The following RUFY1 variants were observed in gnomAD, a reference collection of about 807,000 sequenced individuals.
The protein encoded by RUFY1 is RUN and FYVE domain containing 1, also known as RUN and FYVE domain-containing protein 1.
Under a neutral mutation model 94.6 loss-of-function variants are expected in RUFY1, and 54 were observed. The ratio of observed to expected loss-of-function variants is 0.57; its 90% CI spans 0.46 to 0.72. The LOEUF is 0.72. Ranked by LOEUF, RUFY1 falls within the 30% of genes least tolerant of loss-of-function variation. The pLI, the probability that RUFY1 is intolerant of heterozygous loss-of-function variation, is 0.00. For synonymous variants in RUFY1, 396 were observed against 347.3 expected, an observed-to-expected ratio of 1.14 and a Z score of -1.56; for missense variants, 883 against 883.9, an observed-to-expected ratio of 1.00 and a Z score of 0.01.
At position 179,591,717 on chromosome 5, in the gene RUFY1, A is replaced by T. The variant is rs1286025622; in HGVS notation, c.1221A>T (p.Leu407=). 1 of 1,608,918 alleles carries T rather than the reference A, an allele frequency of 6.2e-7. No individual in the cohort carries two copies. The change falls in exon 10 of 18, where the codon CTA becomes CTT. Residue 407 remains leucine, a synonymous_variant. Transcript: ENST00000319449. ...DEMYSDVWKQ[L]KEEKKVRLEL... is the part of the protein sequence containing the mutation. The stretch of plus-strand genomic sequence containing the variant: ...TGTACAGTGATGTGTGGAAGCAGCT[A>T]AAAGAGGAGAAGAAAGTCCGGTTGG...
Position 179,609,644 on chromosome 5 carries a change from G to T in RUFY1, c.*125G>T. ...GAATCAAATTTCTTGCCCGGTCACT[G>T]GCACTCCAGAAGACAGCGTGCCGGA... On this transcript the variant is annotated 3_prime_UTR_variant, in exon 18 of 18. Coordinates refer to ENST00000319449, the MANE Select transcript of RUFY1 (RefSeq NM_025158.5). The T allele has an allele frequency of 3.0e-6, 3 of 1,004,914 alleles. No homozygotes were observed. Among genetic ancestry groups the T allele is most frequent in the Non-Finnish European group, 4.2e-6 (3 of 714,276 alleles). 62.2% of individuals were successfully genotyped at this position (1,004,914 alleles called of 1,614,324 possible).
At chr5:179,605,674 C>G (rs1767000715) in intron 15 of RUFY1, among the ~76,000 whole-genome samples, 2 of 152,040 alleles carry the variant, frequency 1.3e-5, no homozygotes, top group African/African-American at 4.8e-5. Context: ...CAGGCTCAGC[C>G]TCAGCCCTCA....
Position 179,577,131 on chromosome 5 carries a change from C to T in RUFY1, c.885C>T (p.Gly295=). The T allele has an allele frequency of 8.5e-7, 1 of 1,172,418 alleles. No homozygotes were observed. The highest frequency in any genetic ancestry group is 1.2e-6 in the Non-Finnish European group (1 of 806,696). The allele number at this position is 1,172,418 out of a possible 1,614,324, so 72.6% of individuals were successfully genotyped here. Residue 295 remains glycine, a synonymous_variant, in exon 6 of 18, where the codon GGC becomes GGT. Coordinates refer to ENST00000319449, the MANE Select transcript of RUFY1 (RefSeq NM_025158.5). ...YLKDVQDLDG[G]KEHERITDVL... ...AGGATGTGCAGGATCTTGATGGTGG[C>T]AAGGAGTAAGTACTGCGTTGTATGT... is the stretch of plus-strand genomic sequence containing the variant.
intron 8 of RUFY1, among the ~76,000 whole-genome samples, chr5:179,587,559 ATTTTTTTT>A (rs34633958): frequency 1.9e-5 from 2 of 108,094 alleles, no homozygotes; most frequent in Non-Finnish European, 3.6e-5. Flanking sequence ...GCCCGGCTAA[ATTTTTTTT>A]TTTTTTTTTT....
chr5:179,557,765 CA>C (rs34584833), intron 1 of RUFY1, among the ~76,000 whole-genome samples: 1,585 of 152,120 alleles, frequency 0.01, 25 homozygotes, highest in African/African-American at 0.033. Context: ...AAATTTAGGA[CA>C]CCCAAGCAGA....
chr5:179,563,968 G>A lies in RUFY1; in HGVS notation c.602+1304G>A, dbSNP rs1046607786. The stretch of plus-strand genomic sequence containing the variant: ...ATTACAGGCGTGAGCCACCACACCC[G>A]GCCTTAATGACCTTTTTCATGAGCC... On this transcript the variant is annotated intron_variant, in intron 3 of 17. Coordinates refer to ENST00000319449, the MANE Select transcript of RUFY1 (RefSeq NM_025158.5). 6.6e-5 allele frequency among the ~76,000 whole-genome samples: 10 copies of A among 152,016 alleles called. No homozygotes were observed. In the East Asian group the frequency reaches 1.2e-3, roughly 18 times the overall value.
chr5:179,577,333 A>G (rs985083215), intron 6 of RUFY1, among the ~76,000 whole-genome samples, 197 bp downstream of exon 6: 1 of 151,006 alleles, frequency 6.6e-6, no homozygotes, highest in Non-Finnish European at 1.5e-5. Flanking sequence ...CACCATGCCC[A>G]GCTAATTTTT....
chr5:179,608,541 A>T, intron 17 of RUFY1: 2 of 985,508 alleles, frequency 2.0e-6, no homozygotes, highest in South Asian at 9.4e-5. Context: ...CTTGGAATGC[A>T]GCAAAGAGAA....
At chr5:179,558,692 T>A (rs1762232620) in intron 1 of RUFY1, among the ~76,000 whole-genome samples, 1 of 152,148 alleles carries the variant, frequency 6.6e-6, no homozygotes, top group South Asian at 2.1e-4. Context: ...GCTCTCCCCC[T>A]ACCTTCTTGG....
intron 5 of RUFY1, among the ~76,000 whole-genome samples, chr5:179,570,197 C>A (rs559504938): frequency 6.1e-4 from 93 of 152,244 alleles, no homozygotes; most frequent in African/African-American, 2.0e-3. Flanking sequence ...TAGCTTTTAT[C>A]CCCTTTTATC....
intron 6 of RUFY1, 23 bp downstream of exon 6, chr5:179,577,159 C>CCTT (rs1763678255): frequency 5.9e-6 from 1 of 169,278 alleles, no homozygotes; most frequent in Non-Finnish European, 1.0e-5. Context: ...TTGTATGTCA[C>CCTT]TTTTTTTTTT....
chr5:179,595,047 A>G, intron 12 of RUFY1, 84 bp downstream of exon 12: 1 of 1,026,538 alleles, frequency 9.7e-7, no homozygotes, highest in Non-Finnish European at 1.5e-6. Context: ...TCCCTCTCCA[A>G]AGTGCAGGGG....
rs765631281 is a variant in RUFY1 at position 179,609,426 on chromosome 5, C to T, written c.2034C>T (p.Asn678=). 6.8e-6 allele frequency: 11 copies of T among 1,613,204 alleles called. No individual in the cohort carries two copies. The highest frequency in any genetic ancestry group is 6.7e-5 in the African/African-American group (5 of 74,892). Residue 678 remains asparagine (N), a synonymous_variant, in exon 18 of 18, where the codon AAC becomes AAT. Transcript: ENST00000319449. ...TCTTCTGCAACACCTGCTCCAGCAA[C>T]GAGCTGGCCCTGCCCTCCTACCCCA... ...GHIFCNTCSS[N]ELALPSYPKP...
chr5:179,557,130 A>T (rs540731838), intron 1 of RUFY1, among the ~76,000 whole-genome samples: 1 of 152,302 alleles, frequency 6.6e-6, no homozygotes, highest in Admixed American at 6.5e-5. Context: ...AAGTTTTACC[A>T]AGACTTATCA....
chr5:179,609,525 C>A lies in RUFY1; in HGVS notation c.*6C>A, dbSNP rs768462209. On this transcript the variant is annotated 3_prime_UTR_variant, in exon 18 of 18. Coordinates refer to ENST00000319449, the MANE Select transcript of RUFY1 (RefSeq NM_025158.5). ...GCTCCTCCACGGCCTCCTGAACGTCCGTCCTCAGGAGCACAGCCTCACGGA... is the reference window on the plus strand; with the variant it reads ...GCTCCTCCACGGCCTCCTGAACGTCAGTCCTCAGGAGCACAGCCTCACGGA... The A allele has an allele frequency of 6.3e-7, 1 of 1,595,694 alleles. No homozygotes were observed. The highest frequency in any genetic ancestry group is 8.5e-7 in the Non-Finnish European group (1 of 1,175,030).
At chr5:179,578,044 C>T (rs1231510826) in intron 6 of RUFY1, among the ~76,000 whole-genome samples, 1 of 152,080 alleles carries the variant, frequency 6.6e-6, no homozygotes, top group Non-Finnish European at 1.5e-5. Context: ...TGTCCCCTTG[C>T]CTCCATGTCA....
intron 2 of RUFY1, 104 bp downstream of exon 2, chr5:179,560,302 A>G (rs1340291167): frequency 2.1e-6 from 3 of 1,407,530 alleles, no homozygotes; most frequent in Non-Finnish European, 2.9e-6. Flanking sequence ...AAATGCCAGC[A>G]GTGTACAGAA....
Position 179,559,317 on chromosome 5 carries a change from ACT to A in RUFY1, c.311-703_311-702del, listed in dbSNP as rs200911836. Reference sequence around the variant, plus strand: ...ACAAGATAATGGGAGTTGAAATGGAACTCTCTGAATTCATTTGACTCCAACGG... The same window carrying A: ...ACAAGATAATGGGAGTTGAAATGGAACTCTGAATTCATTTGACTCCAACGG... On this transcript the variant is annotated intron_variant, in intron 1 of 17. Coordinates refer to ENST00000319449, the MANE Select transcript of RUFY1 (RefSeq NM_025158.5). Among the ~76,000 whole-genome samples the A allele has an allele frequency of 4.7e-3, 717 of 152,314 alleles. 6 individuals are homozygous for A. Among genetic ancestry groups the A allele is most frequent in the Non-Finnish European group, 7.4e-3 (503 of 68,030 alleles).
At chr5:179,596,276 C>A (rs776262418) in intron 12 of RUFY1, 5 of 470,320 alleles carry the variant, frequency 1.1e-5, no homozygotes, top group Non-Finnish European at 1.9e-5. Context: ...AAAAGTCAGT[C>A]TCAAGGTTAT....
Sources: allele counts gnomAD v4.1 joint callset (sites outside exome capture counted in the v4.1 genomes callset), GRCh38; gene constraint gnomAD v4.1.1; transcripts MANE v1.5; gene names NCBI Gene and HGNC (gene_info 2026-07-23, HGNC 2026-07-21).